LIMS1: variants seen among roughly 807,000 people sequenced by gnomAD.
LIMS1 encodes LIM zinc finger domain containing 1.
Under a neutral mutation model 44.1 loss-of-function variants are expected in LIMS1, and 18 were observed. That is an observed-to-expected ratio of 0.41 (90% CI 0.28 to 0.61). LIMS1 has a LOEUF of 0.61. Among genes scored for constraint, LIMS1 ranks in the 20% least tolerant of loss-of-function variants. LIMS1 has a pLI of 0.32. For missense variants in LIMS1, 201 were observed against 422.0 expected (o/e 0.48, Z 4.59); for synonymous variants, 93 against 149.1 (o/e 0.62, Z 2.74).
intron 2 of LIMS1, among the ~76,000 whole-genome samples, chr2:108,663,305 A>G (rs1467851301): frequency 2.0e-5 from 3 of 151,994 alleles, no homozygotes; most frequent in East Asian, 1.9e-4. Context: ...TTTTTTTTGC[A>G]GAAACAGGGT....
At chr2:108,553,250 T>C (rs1421375789) in intron 1 of LIMS1, among the ~76,000 whole-genome samples, 1 of 152,228 alleles carries the variant, frequency 6.6e-6, no homozygotes, top group African/African-American at 2.4e-5. Context: ...TAAATATCTT[T>C]TGAGGGAGAG....
rs1248617447 is a variant in LIMS1, at chr2:108,663,982, G to A, written c.192+4218G>A. On this transcript the variant is annotated intron_variant, in intron 2 of 9. Coordinates refer to ENST00000544547, the Ensembl canonical transcript of LIMS1. ...TTGGTCAGGCTGGTCTCAAACTCCC[G>A]ACCTCAGGTGATCCGCTCGCCTCGT... Among the ~76,000 whole-genome samples the A allele has an allele frequency of 3.9e-5, 6 of 152,022 alleles. No homozygotes were observed. In the South Asian group the frequency reaches 6.2e-4, roughly 16 times the overall value.
At chr2:108,615,008 A>C (rs750132081) in intron 1 of LIMS1, among the ~76,000 whole-genome samples, 8 of 152,172 alleles carry the variant, frequency 5.3e-5, no homozygotes, top group Admixed American at 5.2e-4. Flanking sequence ...TATTTAACCT[A>C]TTGGATTTTT....
intron 1 of LIMS1, among the ~76,000 whole-genome samples, chr2:108,620,121 A>G (rs967183733): frequency 1.3e-5 from 2 of 152,188 alleles, no homozygotes; most frequent in South Asian, 4.1e-4. Flanking sequence ...GGTAGCCCTC[A>G]GGGGAACTAG....
chr2:108,653,068 C>A (rs1263123814), intron 1 of LIMS1, among the ~76,000 whole-genome samples: 1 of 152,304 alleles, frequency 6.6e-6, no homozygotes, highest in Non-Finnish European at 1.5e-5. Flanking sequence ...TAGCCCACAG[C>A]CTTTGAGTTC....
chr2:108,650,419 T>C (rs78098856), intron 1 of LIMS1, among the ~76,000 whole-genome samples: 43 of 146,238 alleles, frequency 2.9e-4, no homozygotes, highest in South Asian at 1.9e-3. Context: ...TTTTCTTTTT[T>C]TTTTTTTTTT....
chr2:108,579,933 A>G (rs1471859690), intron 1 of LIMS1, among the ~76,000 whole-genome samples: 2 of 152,164 alleles, frequency 1.3e-5, no homozygotes, highest in South Asian at 4.1e-4. Flanking sequence ...AGGGCTGTTG[A>G]GATGTGACAG....
chr2:108,650,285 C>T (rs866272799), intron 1 of LIMS1, among the ~76,000 whole-genome samples: 1 of 152,148 alleles, frequency 6.6e-6, no homozygotes, highest in East Asian at 1.9e-4. Context: ...GGAATTAAAC[C>T]ACTCCCTTGT....
At chr2:108,626,563 T>C (rs1304545646) in intron 1 of LIMS1, among the ~76,000 whole-genome samples, 3 of 152,174 alleles carry the variant, frequency 2.0e-5, no homozygotes, top group Non-Finnish European at 4.4e-5. Flanking sequence ...GAGGGGATTC[T>C]TCAAGGCAAG....
At chr2:108,667,105 C>T (rs1691813948) in intron 2 of LIMS1, among the ~76,000 whole-genome samples, 1 of 152,036 alleles carries the variant, frequency 6.6e-6, no homozygotes, top group Admixed American at 6.6e-5. Flanking sequence ...AAACCCCAAC[C>T]ATCCGATTCT....
chr2:108,607,080 A>G, intron 1 of LIMS1: 2 of 692,926 alleles, frequency 2.9e-6, no homozygotes, highest in East Asian at 5.5e-5. Flanking sequence ...TGATTAGGTC[A>G]CGAGAACAGA....
chr2:108,621,463 T>A (rs1233181903), intron 1 of LIMS1: 25 of 1,549,080 alleles, frequency 1.6e-5, no homozygotes, highest in Non-Finnish European at 2.2e-5. Flanking sequence ...AGAGCTAAGG[T>A]GAGTGCAAAG....
intron 7 of LIMS1, among the ~76,000 whole-genome samples, chr2:108,677,717 A>G (rs1284029845): frequency 6.6e-6 from 1 of 152,040 alleles, no homozygotes; most frequent in South Asian, 2.1e-4. Context: ...TCATTTATCT[A>G]TTTCTTATCC....
At chr2:108,612,009 T>TATATTATATATACACATATATAAA (rs1558809162) in intron 1 of LIMS1, among the ~76,000 whole-genome samples, 4 of 132,422 alleles carry the variant, frequency 3.0e-5, no homozygotes, top group Non-Finnish European at 4.7e-5. Flanking sequence ...TATACACACA[T>TATATTATATATACACATATATAAA]ATATATATAC....
intron 1 of LIMS1, among the ~76,000 whole-genome samples, chr2:108,557,065 T>C (rs192390028): frequency 7.2e-5 from 11 of 152,258 alleles, no homozygotes; most frequent in African/African-American, 2.4e-4. Flanking sequence ...TACCTACCTT[T>C]GTTCCTTCCT....
At chr2:108,573,320 T>TTTTTTTTTTC (rs1553454111) in intron 1 of LIMS1, among the ~76,000 whole-genome samples, 1 of 150,462 alleles carries the variant, frequency 6.6e-6, no homozygotes. Context: ...TTTTTTTTTT[T>TTTTTTTTTTC]CTACTGGGTA....
At chr2:108,552,164 A>G (rs912622002) in intron 1 of LIMS1, among the ~76,000 whole-genome samples, 1 of 145,580 alleles carries the variant, frequency 6.9e-6, no homozygotes, top group Non-Finnish European at 1.5e-5. Context: ...TTAAATATAT[A>G]AATATAAAAT....
chr2:108,585,916 G>A (rs983234551), intron 1 of LIMS1, among the ~76,000 whole-genome samples: 1 of 152,084 alleles, frequency 6.6e-6, no homozygotes, highest in Admixed American at 6.5e-5. Flanking sequence ...GTCTGAGGCC[G>A]GGCGTGGTGG....
intron 1 of LIMS1, among the ~76,000 whole-genome samples, chr2:108,630,192 CAAAAAA>C (rs59941456): frequency 8.1e-4 from 84 of 103,928 alleles, no homozygotes; most frequent in South Asian, 2.7e-3. Flanking sequence ...GACCCTGTCT[CAAAAAA>C]AAAAAAAAAA....
Sources: allele counts gnomAD v4.1 joint callset (sites outside exome capture counted in the v4.1 genomes callset), GRCh38; gene constraint gnomAD v4.1.1; transcripts MANE v1.5; gene names NCBI Gene and HGNC (gene_info 2026-07-23, HGNC 2026-07-21).